Variants in BLK observed in about 807,000 individuals in gnomAD.
BLK encodes the protein tyrosine-protein kinase Blk.
Under a neutral mutation model 61.8 loss-of-function variants are expected in BLK, and 64 were observed. The observed-to-expected ratio is 1.03, with a 90% confidence interval of 0.85 to 1.27. The LOEUF (loss-of-function observed/expected upper bound fraction) is 1.27. Ranked by LOEUF, BLK falls within the 50% of genes most tolerant of loss-of-function variation. The pLI, the probability that BLK is intolerant of heterozygous loss-of-function variation, is 0.00. For missense variants in BLK, 853 were observed against 660.5 expected, an observed-to-expected ratio of 1.29 and a Z score of -3.19; for synonymous variants, 351 against 272.0, an observed-to-expected ratio of 1.29 and a Z score of -2.86.
At chr8:11,518,584 C>T (rs529253824) in intron 1 of BLK, among the ~76,000 whole-genome samples, 1 of 152,090 alleles carries the variant, frequency 6.6e-6, no homozygotes, top group Non-Finnish European at 1.5e-5. Context: ...CCATGGCCAC[C>T]TCTCACCGAT....
intron 1 of BLK, among the ~76,000 whole-genome samples, chr8:11,498,830 A>G (rs887658697): frequency 5.3e-5 from 8 of 152,184 alleles, no homozygotes; most frequent in Non-Finnish European, 8.8e-5. Flanking sequence ...ACAAAGCCCT[A>G]ATTTTTAGGT....
intron 1 of BLK, among the ~76,000 whole-genome samples, chr8:11,495,455 T>C (rs1157636022): frequency 1.3e-5 from 2 of 152,198 alleles, no homozygotes; most frequent in Admixed American, 6.5e-5. Context: ...AACCTGCAGA[T>C]GCCAGCTTCA....
intron 1 of BLK, among the ~76,000 whole-genome samples, chr8:11,528,151 C>A (rs1585361280): frequency 6.6e-6 from 1 of 152,142 alleles, no homozygotes; most frequent in Admixed American, 6.5e-5. Flanking sequence ...ATCCTCCCAC[C>A]TCAGCCTCCC....
chr8:11,511,177 C>G (rs150181180), intron 1 of BLK, among the ~76,000 whole-genome samples: 2 of 152,152 alleles, frequency 1.3e-5, no homozygotes, highest in Admixed American at 1.3e-4. Context: ...TTCCACCCAA[C>G]GGAGTGGGAG....
chr8:11,544,352 C>A (rs988886724), intron 2 of BLK, among the ~76,000 whole-genome samples: 2 of 152,126 alleles, frequency 1.3e-5, no homozygotes, highest in African/African-American at 4.8e-5. Context: ...GGGAGCCTTG[C>A]CGCGACCCCC....
intron 1 of BLK, among the ~76,000 whole-genome samples, chr8:11,512,987 C>A (rs1331283430): frequency 6.6e-6 from 1 of 152,182 alleles, no homozygotes; most frequent in Non-Finnish European, 1.5e-5. Context: ...ATTTTAAGGT[C>A]TTACGGGCCA....
chr8:11,503,275 G>A (rs1798636820), intron 1 of BLK, among the ~76,000 whole-genome samples: 1 of 152,226 alleles, frequency 6.6e-6, no homozygotes, highest in Admixed American at 6.5e-5. Context: ...TAGCCCCTGG[G>A]CTTCTGATGA....
At chr8:11,520,434 G>A (rs1799398378) in intron 1 of BLK, among the ~76,000 whole-genome samples, 1 of 121,104 alleles carries the variant, frequency 8.3e-6, no homozygotes, top group African/African-American at 3.2e-5. Flanking sequence ...CCGTGATCAT[G>A]CCACACACTT....
Position 11,561,257 on chromosome 8 carries a change from G to A in BLK, c.1030-45G>A, listed in dbSNP as rs62490888. The A allele has an allele frequency of 0.12, 199,184 of 1,596,468 alleles. 13,355 individuals carry two copies. Among genetic ancestry groups the A allele is most frequent in the South Asian group, 0.14 (12,728 of 88,304 alleles). On this transcript the variant is annotated intron_variant, in intron 10 of 12. Transcript: ENST00000259089. ...GACACAGTGTGGGCTCGGTCTTGGC[G>A]TGGAGGCCCCCAGGCTGTCCTTCAC... is the stretch of plus-strand genomic sequence containing the variant.
At chr8:11,535,288 GAAAGAA>G (rs1388755893) in intron 1 of BLK, among the ~76,000 whole-genome samples, 65 of 141,754 alleles carry the variant, frequency 4.6e-4, no homozygotes, top group Non-Finnish European at 6.2e-4. Context: ...AAGAAAGAAA[GAAAGAA>G]AGAAAGAAAG....
In BLK at chr8:11,561,331, C is replaced by T. The variant is rs1179361511; in HGVS notation, c.1059C>T (p.Arg353=). Residue 353 remains arginine, a synonymous_variant, in exon 11 of 13, where the codon CGC becomes CGT. Transcript: ENST00000259089. ...CTGAAGGGATGGCATACATTGAGCG[C>T]ATGAATTCCATCCACCGCGACCTGC... ...QIAEGMAYIE[R]MNSIHRDLRA... 2 of 1,613,856 alleles carry T rather than the reference C, an allele frequency of 1.2e-6. No homozygotes were observed. The highest frequency in any genetic ancestry group is 2.2e-5 in the East Asian group (1 of 44,892).
intron 1 of BLK, among the ~76,000 whole-genome samples, chr8:11,495,781 T>C (rs1478896): frequency 1.3e-5 from 2 of 152,150 alleles, no homozygotes; most frequent in African/African-American, 4.8e-5. Context: ...TAGGTGAAAT[T>C]TTAACAAGAC....
chr8:11,556,110 G>A (rs1414183111), intron 8 of BLK: 1 of 226,576 alleles, frequency 4.4e-6, no homozygotes, highest in African/African-American at 2.3e-5. Flanking sequence ...CTGTACCCAG[G>A]TCCCTGCCAA....
intron 1 of BLK, among the ~76,000 whole-genome samples, chr8:11,514,706 G>A (rs779923332): frequency 6.6e-6 from 1 of 152,204 alleles, no homozygotes; most frequent in Non-Finnish European, 1.5e-5. Flanking sequence ...CAAGTTGCTG[G>A]TGGATATACC....
chr8:11,527,421 C>A lies in BLK; in HGVS notation c.-1-15803C>A, dbSNP rs80205973. 6.4e-3 allele frequency among the ~76,000 whole-genome samples: 975 copies of A among 152,246 alleles called. 5 individuals are homozygous for A. The highest frequency in any genetic ancestry group is 0.011 in the Non-Finnish European group (732 of 68,010). On this transcript the variant is annotated intron_variant, in intron 1 of 12. Coordinates refer to ENST00000259089, the MANE Select transcript of BLK (RefSeq NM_001715.3). The stretch of plus-strand genomic sequence containing the variant: ...TTCATACCCCTTATGCTACCTCCAA[C>A]CACTGATCTACTTTCTAGAACCATA...
chr8:11,519,464 C>T (rs1799353721), intron 1 of BLK, among the ~76,000 whole-genome samples: 1 of 152,154 alleles, frequency 6.6e-6, no homozygotes, highest in Non-Finnish European at 1.5e-5. Flanking sequence ...ATACATACAT[C>T]CACATGTAGT....
intron 1 of BLK, among the ~76,000 whole-genome samples, chr8:11,501,476 C>A (rs1798558722): frequency 6.6e-6 from 1 of 151,742 alleles, no homozygotes; most frequent in South Asian, 2.1e-4. Context: ...AGTGTGAGGT[C>A]AAGATAGGCA....
intron 1 of BLK, among the ~76,000 whole-genome samples, chr8:11,527,585 T>C (rs965015164): frequency 6.6e-6 from 1 of 151,942 alleles, no homozygotes; most frequent in African/African-American, 2.4e-5. Context: ...GTCAGGACTT[T>C]TATGGACAAT....
chr8:11,558,438 A>T, intron 10 of BLK: 1 of 360,250 alleles, frequency 2.8e-6, no homozygotes, highest in South Asian at 2.1e-5. Context: ...GCCCACAAAC[A>T]TCTCCTGTAG....
Sources: gnomAD v4.1 joint callset for allele counts (sites outside exome capture counted in the v4.1 genomes callset) on GRCh38, gnomAD v4.1.1 for gene constraint, MANE v1.5 for transcripts, NCBI Gene and HGNC (gene_info 2026-07-23, HGNC 2026-07-21) for gene names.